Variants in WFS1 observed in about 807,000 individuals in gnomAD.
WFS1 encodes wolframin ER transmembrane glycoprotein.
WFS1 carries 90 observed loss-of-function variants against 68.5 expected under a neutral mutation model. That is an observed-to-expected ratio of 1.31 (90% CI 1.11 to 1.56). The LOEUF (loss-of-function observed/expected upper bound fraction) is 1.56. WFS1 is among the 40% of genes most tolerant of loss of function. The probability of loss-of-function intolerance (pLI) is 0.00; values close to 1 mark genes in which losing one functional copy is unlikely to be tolerated. For synonymous variants in WFS1, 860 were observed against 540.7 expected (o/e 1.59, Z -8.19); for missense variants, 1,767 against 1,232.6 (o/e 1.43, Z -6.49).
rs371165576 is a variant in WFS1, at chr4:6,301,967, G to A, written c.2172G>A (p.Pro724=). 1.1e-5 allele frequency: 17 copies of A among 1,612,668 alleles called. No homozygotes were observed. The highest frequency in any genetic ancestry group is 1.4e-5 in the Non-Finnish European group (17 of 1,179,958). The change falls in exon 8 of 8, where the codon CCG becomes CCA. Residue 724 remains proline (P), a synonymous_variant. Transcript: ENST00000226760. ...CCGAGTCTGCCATCAACATGCTCCC[G>A]TTCTTCATCGGCGACTGGATGCGCT... ...NSAESAINML[P]FFIGDWMRCL...
chr4:6,277,768 G>T, intron 2 of WFS1, 81 bp downstream of exon 2: 1 of 1,490,346 alleles, frequency 6.7e-7, no homozygotes, highest in South Asian at 1.2e-5. Flanking sequence ...ACCCCTGGAG[G>T]GTCCCCCCGC....
rs191033592 is a variant in WFS1 at position 6,288,009 on chromosome 4, G to C, written c.315+834G>C. 2.5e-3 allele frequency among the ~76,000 whole-genome samples: 378 copies of C among 152,282 alleles called. 1 individual carries two copies. Among genetic ancestry groups the C allele is most frequent in the South Asian group, 6.4e-3 (31 of 4,826 alleles). On this transcript the variant is annotated intron_variant, in intron 3 of 7. Coordinates refer to ENST00000226760, the MANE Select transcript of WFS1 (RefSeq NM_006005.3). Reference sequence around the variant, plus strand: ...AGGCGGGTGGATCACCTGAGGTCAGGAGTTCGTGACCAGCCTGGCCAACAT... The same window carrying C: ...AGGCGGGTGGATCACCTGAGGTCAGCAGTTCGTGACCAGCCTGGCCAACAT...
At chr4:6,284,322 G>A (rs1180751883) in intron 2 of WFS1, among the ~76,000 whole-genome samples, 2 of 152,150 alleles carry the variant, frequency 1.3e-5, no homozygotes, top group African/African-American at 2.4e-5. Flanking sequence ...GTGGCGAGCC[G>A]AGATTTTGTC....
intron 7 of WFS1, among the ~76,000 whole-genome samples, chr4:6,299,017 A>G (rs954683241): frequency 1.3e-5 from 2 of 152,214 alleles, no homozygotes; most frequent in Admixed American, 6.5e-5. Context: ...CTAGGCGTCC[A>G]CTTCCTGGTG....
intron 2 of WFS1, among the ~76,000 whole-genome samples, chr4:6,280,953 C>T (rs1730144583): frequency 6.6e-6 from 1 of 152,222 alleles, no homozygotes; most frequent in Non-Finnish European, 1.5e-5. Flanking sequence ...AGTGCTGCCA[C>T]CGCCTTGACC....
At chr4:6,284,181 C>G (rs1015433565) in intron 2 of WFS1, among the ~76,000 whole-genome samples, 3 of 152,002 alleles carry the variant, frequency 2.0e-5, no homozygotes, top group African/African-American at 7.3e-5. Flanking sequence ...ACCAGCCTGG[C>G]CAACATGGTG....
chr4:6,300,192 C>T (rs940029836), intron 7 of WFS1, among the ~76,000 whole-genome samples: 3 of 152,122 alleles, frequency 2.0e-5, no homozygotes, highest in South Asian at 2.1e-4. Context: ...TCGTAAGGAT[C>T]GCCATTTCCC....
intron 1 of WFS1, among the ~76,000 whole-genome samples, chr4:6,270,453 C>T (rs1388546069): frequency 8.1e-6 from 1 of 123,300 alleles, no homozygotes; most frequent in Non-Finnish European, 1.7e-5. Flanking sequence ...GCCTGGGCCC[C>T]CGGGAGGTGT....
At chr4:6,276,968 T>G (rs979570549) in intron 1 of WFS1, among the ~76,000 whole-genome samples, 9 of 152,228 alleles carry the variant, frequency 5.9e-5, no homozygotes, top group African/African-American at 2.2e-4. Context: ...GCTTCCCTAC[T>G]CCAGGCTGAT....
intron 2 of WFS1, among the ~76,000 whole-genome samples, chr4:6,286,186 A>G (rs1730303658): frequency 6.6e-6 from 1 of 152,140 alleles, no homozygotes; most frequent in African/African-American, 2.4e-5. Context: ...CCAGAGAACA[A>G]TCCACTGCTG....
chr4:6,298,300 C>G (rs1276130355), intron 7 of WFS1, among the ~76,000 whole-genome samples: 1 of 152,206 alleles, frequency 6.6e-6, no homozygotes, highest in African/African-American at 2.4e-5. Context: ...CAAACAAACC[C>G]TGGAGTAGGT....
chr4:6,286,062 A>G (rs1730300772), intron 2 of WFS1, among the ~76,000 whole-genome samples: 1 of 152,138 alleles, frequency 6.6e-6, no homozygotes, highest in African/African-American at 2.4e-5. Context: ...AGGTTATTGG[A>G]AGCAACCTAC....
rs576792406 is a variant in WFS1, at chr4:6,300,765, A to G, written c.970A>G (p.Ile324Val). Residue 324 changes from isoleucine to valine, a missense_variant, in exon 8 of 8, where the codon ATC becomes GTC. Ile to Val is a conservative substitution (Grantham distance 29). Coordinates refer to ENST00000226760, the MANE Select transcript of WFS1 (RefSeq NM_006005.3). ...WLSTIIPTHH[I>V]NALIFFFIVS... is the part of the protein sequence containing the mutation. ...GTCCACCATCATCCCCACGCACCAC[A>G]TCAACGCGCTCATCTTCTTCTTCAT... 8 of 1,613,784 alleles carry G rather than the reference A, an allele frequency of 5.0e-6. No individual in the cohort carries two copies. The African/African-American group carries it at 9.4e-5, about 19-fold the overall frequency.
chr4:6,289,487 C>A (rs113878852), intron 4 of WFS1, among the ~76,000 whole-genome samples: 9 of 152,258 alleles, frequency 5.9e-5, no homozygotes, highest in Non-Finnish European at 1.2e-4. Context: ...GGCCTGCAGT[C>A]AGAGTGGCCC....
chr4:6,295,651 C>G (rs1730618272), intron 7 of WFS1, among the ~76,000 whole-genome samples: 2 of 152,242 alleles, frequency 1.3e-5, no homozygotes, highest in Non-Finnish European at 2.9e-5. Context: ...GCCCCTGGAT[C>G]TGCAAGGGCT....
Position 6,302,838 on chromosome 4 carries a change from G to A in WFS1, c.*370G>A, listed in dbSNP as rs1194651223. ...ACCCTGTTCCCTCTTTCTTTCTTTT[G>A]TGTTGGATTTGTTTAAAAACCAAAT... On this transcript the variant is annotated 3_prime_UTR_variant, in exon 8 of 8. Transcript: ENST00000226760. 5.9e-6 allele frequency: 2 copies of A among 338,670 alleles called. No individual in the cohort carries two copies. The highest frequency in any genetic ancestry group is 1.1e-5 in the Non-Finnish European group (2 of 183,670). The allele number at this position is 338,670 out of a possible 1,614,324, so 21.0% of individuals were successfully genotyped here. A position where few individuals can be genotyped will look rare whatever the true frequency, so the allele number is the denominator to read the frequency against.
intron 6 of WFS1, 48 bp downstream of exon 6, chr4:6,292,045 C>T (rs747273169): frequency 1.1e-5 from 17 of 1,526,322 alleles, no homozygotes; most frequent in Non-Finnish European, 1.5e-5. Flanking sequence ...CAGCCTGCAC[C>T]TGCAGGGCGA....
In WFS1 at chr4:6,301,462, T is replaced by A. The variant is rs1560419771; in HGVS notation, c.1667T>A (p.Leu556Gln). Residue 556 changes from leucine (L) to glutamine (Q), a missense_variant, in exon 8 of 8, where the codon CTG (leucine) becomes CAG (glutamine). By Grantham distance (113) the Leu-to-Gln change is moderately radical. Transcript: ENST00000226760. ...CTGCTGGAGTCCACCGGCCTGGGGC[T>A]GCTCCGCGCCTCCATCGGCTACTTC... ...VILLESTGLG[L>Q]LRASIGYFLF... 6.2e-7 allele frequency: 1 copy of A among 1,612,720 alleles called. No individual in the cohort carries two copies. Among genetic ancestry groups the A allele is most frequent in the Non-Finnish European group, 8.5e-7 (1 of 1,180,038 alleles).
At chr4:6,274,272 C>T (rs1038855967) in intron 1 of WFS1, among the ~76,000 whole-genome samples, 30 of 152,180 alleles carry the variant, frequency 2.0e-4, no homozygotes, top group Non-Finnish European at 3.1e-4. Flanking sequence ...TGGTCTTGAT[C>T]TCCTGACCTT....
Sources: gnomAD v4.1 joint callset for allele counts (sites outside exome capture counted in the v4.1 genomes callset) on GRCh38, gnomAD v4.1.1 for gene constraint, MANE v1.5 for transcripts, NCBI Gene and HGNC (gene_info 2026-07-23, HGNC 2026-07-21) for gene names.